Variants in PLCG1 observed in about 807,000 individuals in gnomAD.
PLCG1 encodes the protein 1-phosphatidylinositol 4,5-bisphosphate phosphodiesterase gamma-1.
A neutral mutation model predicts 177.8 loss-of-function variants in PLCG1; 71 were observed. The observed-to-expected ratio is 0.40, with a 90% CI of 0.33 to 0.49. The LOEUF (loss-of-function observed/expected upper bound fraction) is 0.49. Ranked by LOEUF, PLCG1 falls within the 20% of genes least tolerant of loss-of-function variation. PLCG1 has a pLI of 0.72. For synonymous variants in PLCG1, 658 were observed against 647.9 expected, an observed-to-expected ratio of 1.02 and a Z score of -0.24; for missense variants, 1,281 against 1,709.0, an observed-to-expected ratio of 0.75 and a Z score of 4.42.
At chr20:41,161,112 CAAG>C (rs926782397) in intron 4 of PLCG1, among the ~76,000 whole-genome samples, 1 of 151,906 alleles carries the variant, frequency 6.6e-6, no homozygotes, top group Non-Finnish European at 1.5e-5. Context: ...GCAAGCAGAC[CAAG>C]AAAAGGGCAG....
intron 1 of PLCG1, among the ~76,000 whole-genome samples, chr20:41,154,254 G>A (rs1280397626): frequency 2.0e-5 from 3 of 152,190 alleles, no homozygotes; most frequent in African/African-American, 7.2e-5. Flanking sequence ...TCTGTCTGTT[G>A]GGCTATTTGG....
chr20:41,168,592 C>T (rs2035782769), intron 20 of PLCG1, among the ~76,000 whole-genome samples, 175 bp from the exon 21 acceptor site: 1 of 152,236 alleles, frequency 6.6e-6, no homozygotes, highest in Non-Finnish European at 1.5e-5. Flanking sequence ...CCTGGAGCTT[C>T]CCTGCAGGGC....
chr20:41,149,033 CGTT>C (rs772210304), intron 1 of PLCG1, among the ~76,000 whole-genome samples: 24 of 152,278 alleles, frequency 1.6e-4, no homozygotes, highest in Non-Finnish European at 5.9e-5. Context: ...CAGTTTTTAT[CGTT>C]GTAAGGCAGT....
In PLCG1 at chr20:41,174,936, G is replaced by A. The variant is rs2036017345; in HGVS notation, c.*427G>A. 5.2e-6 allele frequency: 1 copy of A among 190,662 alleles called. No individual in the cohort carries two copies. The allele number at this position is 190,662 out of a possible 1,614,324, so 11.8% of individuals were successfully genotyped here. On this transcript the variant is annotated 3_prime_UTR_variant, in exon 32 of 32. Transcript: ENST00000685551. The surrounding 1 kb of genome is among the most constrained non-coding windows in gnomAD (Gnocchi z 5.8). ...GGGCCAGGGAAACAAAGTTTACATT[G>A]TCCTGTAGCTTTAAAACCACAGCTG...
In PLCG1 at chr20:41,137,647, G is replaced by C; in HGVS notation, c.6G>C (p.Ala2=). Reference sequence around the variant, plus strand: ...CCGCCCCCAGCGTCGGAGCCATGGCGGGCGCCGCGTCCCCTTGCGCCAACG... The same window carrying C: ...CCGCCCCCAGCGTCGGAGCCATGGCCGGCGCCGCGTCCCCTTGCGCCAACG... M[A]GAASPCANGC... Residue 2 remains alanine, a synonymous_variant, in exon 1 of 32, where the codon GCG becomes GCC. Coordinates refer to ENST00000685551, the MANE Select transcript of PLCG1 (RefSeq NM_002660.3). This position sits in a 1 kb window ranked among gnomAD's most constrained non-coding sequence, Gnocchi z 7.3. 1.5e-6 allele frequency: 2 copies of C among 1,318,076 alleles called. No individual in the cohort carries two copies. The highest frequency in any genetic ancestry group is 1.9e-6 in the Non-Finnish European group (2 of 1,033,462). 81.6% of individuals were successfully genotyped at this position (1,318,076 alleles called of 1,614,324 possible).
intron 1 of PLCG1, among the ~76,000 whole-genome samples, chr20:41,152,690 G>A (rs1393619103): frequency 1.3e-5 from 2 of 152,262 alleles, no homozygotes; most frequent in East Asian, 3.8e-4. Context: ...CCAGGCCCTG[G>A]GTTTGTGTTG....
chr20:41,172,055 G>A lies in PLCG1; in HGVS notation c.2809-138G>A. The A allele has an allele frequency of 1.4e-6, 1 of 713,010 alleles. No individual in the cohort carries two copies. The highest frequency in any genetic ancestry group is 2.6e-6 in the Non-Finnish European group (1 of 390,760). The allele number at this position is 713,010 out of a possible 1,614,324, so 44.2% of individuals were successfully genotyped here. On this transcript the variant is annotated intron_variant, in intron 24 of 31. Transcript: ENST00000685551. This position sits in a 1 kb window ranked among gnomAD's most constrained non-coding sequence, Gnocchi z 7.0. ...AGCTCCCTCATTTACTGTTGGGTGT[G>A]GTGTCTGGAAGGTACAGGGGAAGGT...
rs1229074663 is a variant in PLCG1, at chr20:41,160,104, A to C, written c.465-2A>C. On this transcript the variant is annotated splice_acceptor_variant, in intron 3 of 31. Transcript: ENST00000685551. LOFTEE classifies it high-confidence loss of function. The surrounding 1 kb of genome is among the most constrained non-coding windows in gnomAD (Gnocchi z 5.5). Reference sequence around the variant, plus strand: ...GCCCTCACCTCAGGCTTCTCTCTCCAGGTGGCTCCGGAAGCAGTTTTACTC... The same window carrying C: ...GCCCTCACCTCAGGCTTCTCTCTCCCGGTGGCTCCGGAAGCAGTTTTACTC... 1 of 1,614,008 alleles carries C rather than the reference A, an allele frequency of 6.2e-7. No homozygotes were observed. Among genetic ancestry groups the C allele is most frequent in the Non-Finnish European group, 8.5e-7 (1 of 1,179,986 alleles).
rs759186482 is a variant in PLCG1, at chr20:41,165,797, C to T, written c.1770C>T (p.Thr590=). The T allele has an allele frequency of 6.3e-7, 1 of 1,595,970 alleles. No homozygotes were observed. Among genetic ancestry groups the T allele is most frequent in the Non-Finnish European group, 8.6e-7 (1 of 1,167,874 alleles). The change falls in exon 16 of 32, where the codon ACC becomes ACT. Residue 590 remains threonine (T), a synonymous_variant. Transcript: ENST00000685551. This position sits in a 1 kb window ranked among gnomAD's most constrained non-coding sequence, Gnocchi z 6.6. ...DGSFLVRESE[T]FVGDYTLSFW... ...CCTTCCTCGTGCGAGAGAGTGAGAC[C>T]TTCGTGGGCGACTACACGCTCTCTT...
intron 1 of PLCG1, among the ~76,000 whole-genome samples, chr20:41,143,090 T>A (rs2034882441): frequency 6.6e-6 from 1 of 152,222 alleles, no homozygotes; most frequent in African/African-American, 2.4e-5. Context: ...TGGAAGCAGC[T>A]GCTTTGGGTG....
At chr20:41,139,975 CT>C (rs2034767049) in intron 1 of PLCG1, among the ~76,000 whole-genome samples, 1 of 152,148 alleles carries the variant, frequency 6.6e-6, no homozygotes, top group South Asian at 2.1e-4. Context: ...TGGGTGTGAC[CT>C]TTCTTGTTTG....
intron 1 of PLCG1, among the ~76,000 whole-genome samples, chr20:41,139,715 A>G: frequency 6.6e-6 from 1 of 152,210 alleles, no homozygotes. Context: ...TAACATTAAC[A>G]ATAGACCGTG....
In PLCG1 at chr20:41,159,638, G is replaced by A; in HGVS notation, c.250G>A (p.Gly84Arg). 1 of 1,614,190 alleles carries A rather than the reference G, an allele frequency of 6.2e-7. No individual in the cohort carries two copies. Among genetic ancestry groups the A allele is most frequent in the Non-Finnish European group, 8.5e-7 (1 of 1,180,028 alleles). The change falls in exon 2 of 32, where the codon GGG becomes AGG. Residue 84 changes from glycine to arginine, a missense_variant. This residue lies in a region of PLCG1 where 374 missense variants were observed against 443.8 expected (regional missense o/e 0.84). Coordinates refer to ENST00000685551, the MANE Select transcript of PLCG1 (RefSeq NM_002660.3). The surrounding 1 kb of genome is among the most constrained non-coding windows in gnomAD (Gnocchi z 6.0). Reference protein sequence around the residue: ...DIREIKEIRPGKTSRDFDRYQ... With the variant: ...DIREIKEIRPRKTSRDFDRYQ... ...TCGTGAAATTAAGGAGATCCGCCCA[G>A]GGAAGACCTCACGGGACTTTGATCG...
At position 41,164,010 on chromosome 20, in the gene PLCG1, C is replaced by T. The variant is rs750359126; in HGVS notation, c.1096+4C>T. The T allele has an allele frequency of 3.7e-6, 6 of 1,614,082 alleles. No individual in the cohort carries two copies. Among genetic ancestry groups the T allele is most frequent in the Admixed American group, 1.7e-5 (1 of 60,024 alleles). On this transcript the variant is annotated splice_donor_region_variant and intron_variant, in intron 11 of 31. Transcript: ENST00000685551. The surrounding 1 kb of genome is among the most constrained non-coding windows in gnomAD (Gnocchi z 6.4). ...ATGGGCTGTCGCTGCATTGAGTGTG[C>T]GTGGGGTCCAGGGCTGGGGGAGGGA...
In PLCG1 at chr20:41,174,608, G is replaced by C; in HGVS notation, c.*99G>C. ...AGCAGCCCCCTGTGGCGGCCTTCCG[G>C]GTCTCGCAGCCTGAAGCCTGGATTC... On this transcript the variant is annotated 3_prime_UTR_variant, in exon 32 of 32. Coordinates refer to ENST00000685551, the MANE Select transcript of PLCG1 (RefSeq NM_002660.3). The surrounding 1 kb of genome is among the most constrained non-coding windows in gnomAD (Gnocchi z 5.8). The C allele has an allele frequency of 9.7e-7, 1 of 1,028,714 alleles. No homozygotes were observed. Among genetic ancestry groups the C allele is most frequent in the Non-Finnish European group, 1.5e-6 (1 of 673,474 alleles). The allele number at this position is 1,028,714 out of a possible 1,614,324, so 63.7% of individuals were successfully genotyped here.
chr20:41,137,875 C>A lies in PLCG1; in HGVS notation c.217+17C>A. ...AGGGGGCCAGTAAGTGCGCCCACTT[C>A]CTGCCTGGGCCCGCCCCGCGCGGGG... On this transcript the variant is annotated intron_variant, in intron 1 of 31. Coordinates refer to ENST00000685551, the MANE Select transcript of PLCG1 (RefSeq NM_002660.3). This position sits in a 1 kb window ranked among gnomAD's most constrained non-coding sequence, Gnocchi z 7.3. The A allele has an allele frequency of 8.0e-7, 1 of 1,249,188 alleles. No individual in the cohort carries two copies. The highest frequency in any genetic ancestry group is 1.0e-6 in the Non-Finnish European group (1 of 986,170). 77.4% of individuals were successfully genotyped at this position (1,249,188 alleles called of 1,614,324 possible).
chr20:41,146,140 C>T lies in PLCG1; in HGVS notation c.217+8282C>T, dbSNP rs1018864750. ...AGCAAGACTCAGGATGCAGAGTAAACGGGGCAGGGCGTTCTCCTACAGAAG... is the reference window on the plus strand; with the variant it reads ...AGCAAGACTCAGGATGCAGAGTAAATGGGGCAGGGCGTTCTCCTACAGAAG... On this transcript the variant is annotated intron_variant, in intron 1 of 31. Coordinates refer to ENST00000685551, the MANE Select transcript of PLCG1 (RefSeq NM_002660.3). This position sits in a 1 kb window ranked among gnomAD's most constrained non-coding sequence, Gnocchi z 6.3. 2.0e-5 allele frequency among the ~76,000 whole-genome samples: 3 copies of T among 152,212 alleles called. No individual in the cohort carries two copies. The highest frequency in any genetic ancestry group is 4.4e-5 in the Non-Finnish European group (3 of 68,032).
At position 41,160,079 on chromosome 20, in the gene PLCG1, G is replaced by A; in HGVS notation, c.465-27G>A. 1 of 1,613,478 alleles carries A rather than the reference G, an allele frequency of 6.2e-7. No homozygotes were observed. Among genetic ancestry groups the A allele is most frequent in the South Asian group, 1.1e-5 (1 of 91,070 alleles). ...AGGCCTGACTGTAGATGGAGAAGTG[G>A]CCCTCACCTCAGGCTTCTCTCTCCA... On this transcript the variant is annotated intron_variant, in intron 3 of 31. Transcript: ENST00000685551. The surrounding 1 kb of genome is among the most constrained non-coding windows in gnomAD (Gnocchi z 5.5).
intron 23 of PLCG1, among the ~76,000 whole-genome samples, chr20:41,169,834 G>A (rs2035834554): frequency 6.6e-6 from 1 of 152,200 alleles, no homozygotes; most frequent in African/African-American, 2.4e-5. Flanking sequence ...TGTGACAGAG[G>A]CTTGGAGATG....
Sources: gnomAD v4.1 joint callset for allele counts (sites outside exome capture counted in the v4.1 genomes callset) on GRCh38, gnomAD v4.1.1 for gene constraint, gnomAD v4.1.1 regional missense constraint, Gnocchi (gnomAD v3.1) non-coding constraint, MANE v1.5 for transcripts, NCBI Gene and HGNC (gene_info 2026-07-23, HGNC 2026-07-21) for gene names.